Variants in MGA observed in about 807,000 individuals in gnomAD.
The protein encoded by MGA is MAX dimerization protein MGA.
Under a neutral mutation model 261.1 loss-of-function variants are expected in MGA, and 40 were observed. The ratio of observed to expected loss-of-function variants is 0.15; its 90% CI spans 0.12 to 0.20. The LOEUF (loss-of-function observed/expected upper bound fraction) is 0.20, where lower values mean the gene tolerates loss of function less well. Among genes scored for constraint, MGA ranks in the 10% least tolerant of loss-of-function variants. MGA has a pLI of 1.00. For missense variants in MGA, 3,397 were observed against 3,630.5 expected (o/e 0.94, Z 1.65); for synonymous variants, 1,302 against 1,290.6 (o/e 1.01, Z -0.19).
At chr15:41,682,262 TACAC>T (rs1045228344) in intron 2 of MGA, among the ~76,000 whole-genome samples, 26 of 152,078 alleles carry the variant, frequency 1.7e-4, no homozygotes, top group African/African-American at 4.1e-4. Context: ...TTCATACACA[TACAC>T]ACACACGTAC....
At chr15:41,637,511 T>C (rs2056735008) in intron 1 of MGA, among the ~76,000 whole-genome samples, 1 of 152,058 alleles carries the variant, frequency 6.6e-6, no homozygotes, top group Non-Finnish European at 1.5e-5. Flanking sequence ...ATAAGCAGAG[T>C]TGAAATCACT....
intron 9 of MGA, among the ~76,000 whole-genome samples, chr15:41,724,271 A>G (rs1262968800): frequency 1.3e-5 from 2 of 152,200 alleles, no homozygotes; most frequent in African/African-American, 2.4e-5. Flanking sequence ...ATACTTGTAC[A>G]TACTTACTAC....
rs142947674 is a variant in MGA at position 41,695,569 on chromosome 15, T to C, written c.1065-506T>C. On this transcript the variant is annotated intron_variant, in intron 2 of 23. Transcript: ENST00000219905. ...TGGATGATTGGGAGGAGGGGGAAACTAGATGTTTATGTTGTTTTTGGATGA... is the reference window on the plus strand; with the variant it reads ...TGGATGATTGGGAGGAGGGGGAAACCAGATGTTTATGTTGTTTTTGGATGA... Among the ~76,000 whole-genome samples the C allele has an allele frequency of 1.2e-3, 182 of 152,340 alleles. 1 individual carries two copies. The highest frequency in any genetic ancestry group is 4.1e-3 in the African/African-American group (171 of 41,566).
At chr15:41,629,183 T>C (rs1283652671) in intron 1 of MGA, among the ~76,000 whole-genome samples, 1 of 149,938 alleles carries the variant, frequency 6.7e-6, no homozygotes, top group Non-Finnish European at 1.5e-5. Flanking sequence ...TAGATAAAGA[T>C]AGATGCAGTG....
At chr15:41,686,806 T>TAA (rs1272854689) in intron 2 of MGA, among the ~76,000 whole-genome samples, 1 of 152,192 alleles carries the variant, frequency 6.6e-6, no homozygotes, top group Admixed American at 6.5e-5. Flanking sequence ...GGGGTGATCT[T>TAA]ACATTCTTGG....
intron 11 of MGA, among the ~76,000 whole-genome samples, chr15:41,732,180 G>A (rs559222550): frequency 2.1e-5 from 3 of 144,354 alleles, no homozygotes; most frequent in East Asian, 2.0e-4. Context: ...ACGAATTCTC[G>A]CTCTGTCCCC....
chr15:41,715,315 A>G (rs1457408610), intron 9 of MGA, among the ~76,000 whole-genome samples: 2 of 151,284 alleles, frequency 1.3e-5, no homozygotes, highest in East Asian at 3.9e-4. Context: ...ACACCTGGCT[A>G]ATTTTTCTAT....
intron 1 of MGA, among the ~76,000 whole-genome samples, chr15:41,653,368 CAG>C (rs1392838338): frequency 1.1e-4 from 15 of 135,604 alleles, no homozygotes; most frequent in African/African-American, 3.8e-4. Flanking sequence ...GACTCCATCT[CAG>C]AAAAAAAAAC....
intron 2 of MGA, among the ~76,000 whole-genome samples, chr15:41,671,733 A>G (rs1424204775): frequency 6.6e-6 from 1 of 152,224 alleles, no homozygotes; most frequent in Non-Finnish European, 1.5e-5. Context: ...ATTGTAGGCC[A>G]CTAACAGCTA....
At chr15:41,704,442 A>G (rs551374106) in intron 5 of MGA, among the ~76,000 whole-genome samples, 3 of 152,264 alleles carry the variant, frequency 2.0e-5, no homozygotes, top group Admixed American at 6.5e-5. Context: ...GGTGGATCAC[A>G]AGGTCAGGAG....
At chr15:41,654,563 G>A (rs2057127563) in intron 1 of MGA, among the ~76,000 whole-genome samples, 1 of 152,164 alleles carries the variant, frequency 6.6e-6, no homozygotes, top group South Asian at 2.1e-4. Flanking sequence ...TCATGTAAAG[G>A]AAGGATGGCT....
At chr15:41,705,069 T>C (rs747965890) in intron 5 of MGA, among the ~76,000 whole-genome samples, 15 of 152,252 alleles carry the variant, frequency 9.9e-5, no homozygotes, top group Non-Finnish European at 1.8e-4. Context: ...TTTCACAATA[T>C]GCTTTCTATG....
chr15:41,653,405 CAAA>C (rs920501523), intron 1 of MGA, among the ~76,000 whole-genome samples: 5 of 150,474 alleles, frequency 3.3e-5, no homozygotes, highest in African/African-American at 1.2e-4. Flanking sequence ...AACAAACAAA[CAAA>C]AAAACCCACA....
intron 1 of MGA, among the ~76,000 whole-genome samples, chr15:41,667,761 A>G (rs2057834914): frequency 6.6e-6 from 1 of 152,064 alleles, no homozygotes; most frequent in African/African-American, 2.4e-5. Flanking sequence ...TTTTGCTTAA[A>G]TGATTTTGCC....
intron 11 of MGA, among the ~76,000 whole-genome samples, chr15:41,731,161 A>T (rs2061489473): frequency 6.6e-6 from 1 of 152,184 alleles, no homozygotes; most frequent in South Asian, 2.1e-4. Flanking sequence ...TTAAAAATGT[A>T]AATTATATAT....
intron 5 of MGA, among the ~76,000 whole-genome samples, chr15:41,707,022 G>A (rs373548884): frequency 1.3e-5 from 2 of 152,092 alleles, no homozygotes; most frequent in East Asian, 3.8e-4. Context: ...CATTAATAAG[G>A]ACTAGAGAAC....
At chr15:41,717,193 C>A (rs761908644) in intron 9 of MGA, among the ~76,000 whole-genome samples, 14 of 152,118 alleles carry the variant, frequency 9.2e-5, no homozygotes, top group Non-Finnish European at 1.8e-4. Flanking sequence ...TTGTTGTAGA[C>A]CCCAGTGGCC....
chr15:41,674,152 A>G (rs1416619936), intron 2 of MGA, among the ~76,000 whole-genome samples: 1 of 152,074 alleles, frequency 6.6e-6, no homozygotes, highest in Non-Finnish European at 1.5e-5. Context: ...TCAGCTTCCC[A>G]AGTGCTGGAT....
At chr15:41,651,662 CT>C (rs2057052902) in intron 1 of MGA, among the ~76,000 whole-genome samples, 1 of 36,366 alleles carries the variant, frequency 2.7e-5, no homozygotes, top group African/African-American at 7.6e-5. Flanking sequence ...TCCCTTCCCC[CT>C]TCTCCTCCCC....
Sources: gnomAD v4.1 joint callset for allele counts (sites outside exome capture counted in the v4.1 genomes callset) on GRCh38, gnomAD v4.1.1 for gene constraint, MANE v1.5 for transcripts, NCBI Gene and HGNC (gene_info 2026-07-23, HGNC 2026-07-21) for gene names.